ITPR3: variants seen among roughly 807,000 people sequenced by gnomAD.
The protein encoded by ITPR3 is inositol 1,4,5-trisphosphate-gated calcium channel ITPR3.
A neutral mutation model predicts 293.2 loss-of-function variants in ITPR3; 173 were observed. The ratio of observed to expected loss-of-function variants is 0.59; its 90% CI spans 0.52 to 0.67. ITPR3 has a LOEUF of 0.67. ITPR3 is among the 30% of genes least tolerant of loss of function. The pLI, the probability that ITPR3 is intolerant of heterozygous loss-of-function variation, is 0.00. For missense variants in ITPR3, 2,796 were observed against 3,592.1 expected (o/e 0.78, Z 5.66); for synonymous variants, 1,295 against 1,444.4 (o/e 0.90, Z 2.35).
chr6:33,672,272 A>C lies in ITPR3; in HGVS notation c.2928+44A>C. ...TGTGGGAGGTGTTGGGTATAGGGGG[A>C]GGGTAATGGGGCGGGTACAGGGAGG... On this transcript the variant is annotated intron_variant, in intron 22 of 57. Transcript: ENST00000605930. The surrounding 1 kb of genome is among the most constrained non-coding windows in gnomAD (Gnocchi z 5.0). The C allele has an allele frequency of 6.9e-5, 47 of 681,964 alleles. No homozygotes were observed. The highest frequency in any genetic ancestry group is 1.0e-4 in the Non-Finnish European group (43 of 419,702). 42.2% of individuals were successfully genotyped at this position (681,964 alleles called of 1,614,324 possible).
Position 33,658,998 on chromosome 6 carries a change from A to T in ITPR3, c.529-23A>T, listed in dbSNP as rs1195064148. 1 of 1,613,068 alleles carries T rather than the reference A, an allele frequency of 6.2e-7. No homozygotes were observed. ...AAGAGGGCCCTGCCCTTCCCACCTA[A>T]CCTGTCCCACCTGTCTGCTCAGGTG... On this transcript the variant is annotated intron_variant, in intron 5 of 57. Transcript: ENST00000605930. This position sits in a 1 kb window ranked among gnomAD's most constrained non-coding sequence, Gnocchi z 6.1.
At chr6:33,645,642 T>G (rs1448037971) in intron 2 of ITPR3, among the ~76,000 whole-genome samples, 1 of 152,222 alleles carries the variant, frequency 6.6e-6, no homozygotes, top group Non-Finnish European at 1.5e-5. Flanking sequence ...GAAGTGACCC[T>G]GTGGCGACTG....
chr6:33,656,753 T>TG (rs2127259229), intron 3 of ITPR3, among the ~76,000 whole-genome samples: 1 of 152,360 alleles, frequency 6.6e-6, no homozygotes, highest in African/African-American at 2.4e-5. Context: ...CTTTGTAGCC[T>TG]GGGCCCTGGG....
intron 18 of ITPR3, 141 bp downstream of exon 18, chr6:33,669,297 C>T: frequency 1.2e-6 from 1 of 814,198 alleles, no homozygotes; most frequent in South Asian, 1.8e-5. Flanking sequence ...TCCCTGCTGT[C>T]ACTCCCCTGC....
In ITPR3 at chr6:33,688,349, C is replaced by T. The variant is rs772497157; in HGVS notation, c.6486C>T (p.Asp2162=). The T allele has an allele frequency of 1.5e-5, 24 of 1,613,240 alleles. No individual in the cohort carries two copies. Among genetic ancestry groups the T allele is most frequent in the African/African-American group, 2.7e-5 (2 of 74,616 alleles). Residue 2162 remains aspartate, a synonymous_variant, in exon 48 of 58, where the codon GAC becomes GAT. Transcript: ENST00000605930. The part of the protein sequence containing the change: ...KHRLFTTTEQ[D]EQGSKVSDFF... Reference sequence around the variant, plus strand: ...GGCTCTTCACCACTACTGAGCAGGACGAGCAGGGCAGCAAAGTGAGCGACT... The same window carrying T: ...GGCTCTTCACCACTACTGAGCAGGATGAGCAGGGCAGCAAAGTGAGCGACT...
At chr6:33,636,433 A>G (rs1391734662) in intron 1 of ITPR3, among the ~76,000 whole-genome samples, 2 of 152,028 alleles carry the variant, frequency 1.3e-5, no homozygotes, top group African/African-American at 2.4e-5. Flanking sequence ...GGGAGCCTGG[A>G]CAATGTGGTG....
chr6:33,686,139 C>T lies in ITPR3; in HGVS notation c.5754C>T (p.Thr1918=). ...TCCTGGACATCATGTGCGGCAGCAC[C>T]ACGGGCGGCCTGGGGCTGCTGGGGC... ...LQFLDIMCGS[T]TGGLGLLGLY... The change falls in exon 42 of 58, where the codon ACC becomes ACT. Residue 1918 remains threonine, a synonymous_variant. Coordinates refer to ENST00000605930, the MANE Select transcript of ITPR3 (RefSeq NM_002224.4). The T allele has an allele frequency of 6.2e-7, 1 of 1,614,194 alleles. No individual in the cohort carries two copies. The highest frequency in any genetic ancestry group is 8.5e-7 in the Non-Finnish European group (1 of 1,180,036).
rs1350548470 is a variant in ITPR3 at position 33,664,838 on chromosome 6, C to T, written c.1149-32C>T. 1.3e-6 allele frequency: 2 copies of T among 1,599,060 alleles called. No homozygotes were observed. Among genetic ancestry groups the T allele is most frequent in the Middle Eastern group, 2.0e-4 (1 of 4,932 alleles). On this transcript the variant is annotated intron_variant, in intron 11 of 57. Transcript: ENST00000605930. The surrounding 1 kb of genome is among the most constrained non-coding windows in gnomAD (Gnocchi z 4.4). ...AGCATGACGTGCTCTGTGGTGCACT[C>T]CCCGAGTCCTTTCCCTCCCACCCAC...
chr6:33,690,975 G>A lies in ITPR3; in HGVS notation c.7091G>A (p.Arg2364His), dbSNP rs769167847. ...TLFNVIKSVT[R>H]NGRSILLTAL... is the part of the protein sequence containing the mutation. ...TTCAACGTCATCAAGAGTGTGACCC[G>A]CAATGGCCGCTCCATCCTGCTGACA... The change falls in exon 52 of 58, where the codon CGC (arginine) becomes CAC (histidine). Residue 2364 changes from arginine to histidine, a missense_variant. Around this residue, in one of 8 missense-constraint regions of ITPR3, gnomAD observed 568 missense variants for 796.1 expected, o/e 0.71. Coordinates refer to ENST00000605930, the MANE Select transcript of ITPR3 (RefSeq NM_002224.4). The A allele has an allele frequency of 1.9e-6, 3 of 1,614,012 alleles. No individual in the cohort carries two copies. Among genetic ancestry groups the A allele is most frequent in the South Asian group, 1.1e-5 (1 of 91,078 alleles).
Position 33,671,249 on chromosome 6 carries a change from A to G in ITPR3, c.2671A>G (p.Ile891Val). ...LLRLTRTLLG[I>V]IDCVQGPPAM... Reference sequence around the variant, plus strand: ...GCGGCTCACTCGCACACTGCTGGGCATCATCGACTGTGTGCAGGGGCCCCC... The same window carrying G: ...GCGGCTCACTCGCACACTGCTGGGCGTCATCGACTGTGTGCAGGGGCCCCC... The change falls in exon 21 of 58, where the codon ATC becomes GTC. Residue 891 changes from isoleucine (I) to valine (V), a missense_variant. This residue lies in a region of ITPR3 where 955 missense variants were observed against 1,180.8 expected (regional missense o/e 0.81). Coordinates refer to ENST00000605930, the MANE Select transcript of ITPR3 (RefSeq NM_002224.4). The G allele has an allele frequency of 6.2e-7, 1 of 1,613,702 alleles. No homozygotes were observed. The highest frequency in any genetic ancestry group is 1.7e-5 in the Admixed American group (1 of 60,018).
intron 49 of ITPR3, among the ~76,000 whole-genome samples, 200 bp downstream of exon 49, chr6:33,688,981 C>A (rs1286365859): frequency 6.6e-6 from 1 of 152,226 alleles, no homozygotes; most frequent in Non-Finnish European, 1.5e-5. Flanking sequence ...GGGTCTTTGA[C>A]CTCATGGGAG....
At chr6:33,656,901 G>A (rs1764321201) in intron 3 of ITPR3, among the ~76,000 whole-genome samples, 3 of 152,234 alleles carry the variant, frequency 2.0e-5, no homozygotes, top group Non-Finnish European at 4.4e-5. Context: ...TGGAGAGAGG[G>A]AGCTGCAGGT....
chr6:33,658,528 G>A lies in ITPR3; in HGVS notation c.370-142G>A. The A allele has an allele frequency of 2.0e-6, 2 of 985,906 alleles. No homozygotes were observed. The highest frequency in any genetic ancestry group is 3.1e-5 in the South Asian group (2 of 64,210). 61.1% of individuals were successfully genotyped at this position (985,906 alleles called of 1,614,324 possible). A position where few individuals can be genotyped will look rare whatever the true frequency, so the allele number is the denominator to read the frequency against. ...ATTGTGGTTGTGAATGTGGGTGTCA[G>A]CCTGTATGTTTGTGACAGGTGTCTG... On this transcript the variant is annotated intron_variant, in intron 4 of 57. Coordinates refer to ENST00000605930, the MANE Select transcript of ITPR3 (RefSeq NM_002224.4). The surrounding 1 kb of genome is among the most constrained non-coding windows in gnomAD (Gnocchi z 6.1).
chr6:33,692,512 C>T lies in ITPR3; in HGVS notation c.7459-216C>T, dbSNP rs1339918195. Among the ~76,000 whole-genome samples the T allele has an allele frequency of 1.3e-5, 2 of 152,062 alleles. No homozygotes were observed. Among genetic ancestry groups the T allele is most frequent in the African/African-American group, 4.8e-5 (2 of 41,390 alleles). Reference sequence around the variant, plus strand: ...CGGCGTGTCCTGAGTCCACGCTTTCCTAACCCAAACTCAGGGCTTCTGCTT... The same window carrying T: ...CGGCGTGTCCTGAGTCCACGCTTTCTTAACCCAAACTCAGGGCTTCTGCTT... On this transcript the variant is annotated intron_variant, in intron 54 of 57. Coordinates refer to ENST00000605930, the MANE Select transcript of ITPR3 (RefSeq NM_002224.4). This position sits in a 1 kb window ranked among gnomAD's most constrained non-coding sequence, Gnocchi z 4.2.
Position 33,638,044 on chromosome 6 carries a change from C to G in ITPR3, c.90-2440C>G, listed in dbSNP as rs558142501. Among the ~76,000 whole-genome samples the G allele has an allele frequency of 1.3e-5, 2 of 149,748 alleles. No homozygotes were observed. Among genetic ancestry groups the G allele is most frequent in the African/African-American group, 2.5e-5 (1 of 40,578 alleles). ...TTGTTGAGATGAAGTCTTGCTCTTT[C>G]GCCCAGGCTGAAGTGCAGTGGCGTG... On this transcript the variant is annotated intron_variant, in intron 1 of 57. Transcript: ENST00000605930. This position sits in a 1 kb window ranked among gnomAD's most constrained non-coding sequence, Gnocchi z 4.3.
Position 33,672,820 on chromosome 6 carries a change from G to A in ITPR3, c.2928+592G>A, listed in dbSNP as rs551825532. Among the ~76,000 whole-genome samples the A allele has an allele frequency of 6.6e-6, 1 of 152,260 alleles. No homozygotes were observed. Among genetic ancestry groups the A allele is most frequent in the East Asian group, 1.9e-4 (1 of 5,170 alleles). Reference sequence around the variant, plus strand: ...TTTTGAAGCAGAGCTAGAGATTTAAGAACCTATTTCTTGGCAAGGTGGATG... The same window carrying A: ...TTTTGAAGCAGAGCTAGAGATTTAAAAACCTATTTCTTGGCAAGGTGGATG... On this transcript the variant is annotated intron_variant, in intron 22 of 57. Coordinates refer to ENST00000605930, the MANE Select transcript of ITPR3 (RefSeq NM_002224.4). The surrounding 1 kb of genome is among the most constrained non-coding windows in gnomAD (Gnocchi z 5.0).
rs776152287 is a variant in ITPR3, at chr6:33,664,955, C to A, written c.1234C>A (p.Pro412Thr). ...GCCCATTGACATCGAGGAGGAGCGG[C>A]CCATCCGGCTCATGGTGCGTGTCCC... ...NVPIDIEEER[P>T]IRLMLGTCPT... The change falls in exon 12 of 58, where the codon CCC (proline) becomes ACC (threonine). Residue 412 changes from proline (P) to threonine (T), a missense_variant. Transcript: ENST00000605930. This position sits in a 1 kb window ranked among gnomAD's most constrained non-coding sequence, Gnocchi z 4.4. 1.2e-6 allele frequency: 2 copies of A among 1,613,834 alleles called. No individual in the cohort carries two copies. Among genetic ancestry groups the A allele is most frequent in the Non-Finnish European group, 1.7e-6 (2 of 1,180,010 alleles).
chr6:33,662,336 T>A (rs1446263298), intron 7 of ITPR3, among the ~76,000 whole-genome samples, 192 bp from the exon 8 acceptor site: 1 of 152,058 alleles, frequency 6.6e-6, no homozygotes, highest in Non-Finnish European at 1.5e-5. Context: ...GGATGCGGGC[T>A]GAGGGCAGAG....
At chr6:33,659,786 T>C (rs9394160) in intron 7 of ITPR3, among the ~76,000 whole-genome samples, 3,689 of 152,222 alleles carry the variant, frequency 0.024, 83 homozygotes, top group East Asian at 0.14. Flanking sequence ...TGCCTGGTCT[T>C]TGTTTTCTCC....
Sources: gnomAD v4.1 joint callset for allele counts (sites outside exome capture counted in the v4.1 genomes callset) on GRCh38, gnomAD v4.1.1 for gene constraint, gnomAD v4.1.1 regional missense constraint, Gnocchi (gnomAD v3.1) non-coding constraint, MANE v1.5 for transcripts, NCBI Gene and HGNC (gene_info 2026-07-23, HGNC 2026-07-21) for gene names.